RFTN1: variants seen among roughly 807,000 people sequenced by gnomAD.
The protein encoded by RFTN1 is raftlin, lipid raft linker 1, also known as raftlin.
In RFTN1, 26 loss-of-function variants were observed where a neutral mutation model predicts 46.5. That is an observed-to-expected ratio of 0.56 (90% CI 0.41 to 0.78). The LOEUF (loss-of-function observed/expected upper bound fraction) is 0.78. Among genes scored for constraint, RFTN1 ranks in the 30% least tolerant of loss-of-function variants. RFTN1 has a pLI of 0.00. For missense variants in RFTN1, 693 were observed against 718.7 expected, an observed-to-expected ratio of 0.96 and a Z score of 0.41; for synonymous variants, 261 against 284.2, an observed-to-expected ratio of 0.92 and a Z score of 0.82.
At position 16,458,739 on chromosome 3, in the gene RFTN1, C is replaced by T. The variant is rs1188491009; in HGVS notation, c.146-24702G>A. Among the ~76,000 whole-genome samples the T allele has an allele frequency of 1.3e-5, 2 of 152,180 alleles. No individual in the cohort carries two copies. Among genetic ancestry groups the T allele is most frequent in the East Asian group, 1.9e-4 (1 of 5,196 alleles). ...CCAAATAATTCTCAAAACCATAATG[C>T]TTTCCATAAACTTCAGTTCCCTTTG... On this transcript the variant is annotated intron_variant, in intron 2 of 9. Coordinates refer to ENST00000334133, the MANE Select transcript of RFTN1 (RefSeq NM_015150.2). The surrounding 1 kb of genome is among the most constrained non-coding windows in gnomAD (Gnocchi z 5.1).
chr3:16,323,509 A>G (rs775095631), intron 8 of RFTN1, 52 bp from the exon 9 acceptor site: 3 of 1,306,784 alleles, frequency 2.3e-6, no homozygotes, highest in Non-Finnish European at 3.3e-6. Flanking sequence ...GAGGAACCCA[A>G]AACCTGACAC....
intron 2 of RFTN1, among the ~76,000 whole-genome samples, chr3:16,463,029 C>G (rs1182649551): frequency 6.6e-6 from 1 of 152,232 alleles, no homozygotes; most frequent in Non-Finnish European, 1.5e-5. Flanking sequence ...AGGCTAGAGC[C>G]TGATCCTGTA....
chr3:16,339,131 A>T (rs2071128724), intron 7 of RFTN1, among the ~76,000 whole-genome samples: 1 of 152,244 alleles, frequency 6.6e-6, no homozygotes, highest in Non-Finnish European at 1.5e-5. Context: ...ATTGGGTAAG[A>T]CATGGGATTT....
At chr3:16,362,233 A>G (rs757120164) in intron 6 of RFTN1, among the ~76,000 whole-genome samples, 2 of 152,230 alleles carry the variant, frequency 1.3e-5, no homozygotes, top group Non-Finnish European at 2.9e-5. Flanking sequence ...GGGTAAACCA[A>G]TAACACACTC....
intron 4 of RFTN1, among the ~76,000 whole-genome samples, chr3:16,404,357 T>TAATATATA (rs1265396024): frequency 1.7e-5 from 1 of 59,442 alleles, no homozygotes; most frequent in African/African-American, 7.3e-5. Context: ...ATATAATATA[T>TAATATATA]ATACACAATA....
chr3:16,444,685 A>G (rs550676633), intron 2 of RFTN1, among the ~76,000 whole-genome samples: 2 of 152,386 alleles, frequency 1.3e-5, no homozygotes, highest in East Asian at 3.9e-4. Flanking sequence ...GTGTACCACA[A>G]TGTACCACAA....
chr3:16,385,874 C>T lies in RFTN1; in HGVS notation c.442-7772G>A, dbSNP rs1053224653. Among the ~76,000 whole-genome samples, 4 of 152,186 alleles carry T rather than the reference C, an allele frequency of 2.6e-5. No individual in the cohort carries two copies. Among genetic ancestry groups the T allele is most frequent in the Non-Finnish European group, 4.4e-5 (3 of 68,046 alleles). ...GAACAGGATTCTGGAGCAAAGACGACCTTGGCCCATGAGAACTGCCATCAT... is the reference window on the plus strand; with the variant it reads ...GAACAGGATTCTGGAGCAAAGACGATCTTGGCCCATGAGAACTGCCATCAT... On this transcript the variant is annotated intron_variant, in intron 4 of 9. Coordinates refer to ENST00000334133, the MANE Select transcript of RFTN1 (RefSeq NM_015150.2). This position sits in a 1 kb window ranked among gnomAD's most constrained non-coding sequence, Gnocchi z 5.0.
chr3:16,485,467 A>C (rs1328320250), intron 2 of RFTN1, among the ~76,000 whole-genome samples: 1 of 152,210 alleles, frequency 6.6e-6, no homozygotes, highest in African/African-American at 2.4e-5. Flanking sequence ...CCATACATAC[A>C]ACATCAAGGA....
chr3:16,435,287 G>A (rs368798493), intron 2 of RFTN1, among the ~76,000 whole-genome samples: 15 of 152,176 alleles, frequency 9.9e-5, no homozygotes, highest in Admixed American at 6.5e-4. Flanking sequence ...TATACTTTTC[G>A]GCCAGGGGCA....
intron 3 of RFTN1, among the ~76,000 whole-genome samples, chr3:16,414,110 C>T (rs1371557478): frequency 2.0e-5 from 3 of 152,106 alleles, no homozygotes; most frequent in Non-Finnish European, 2.9e-5. Context: ...GTTCATTACT[C>T]ATTCATTCAT....
In RFTN1 at chr3:16,471,758, T is replaced by C. The variant is rs563230059; in HGVS notation, c.145+21967A>G. On this transcript the variant is annotated intron_variant, in intron 2 of 9. Transcript: ENST00000334133. ...ATTATAGCTCTGTCATGGCACAAGT[T>C]TGATCAAAAAATTATGAATTTTAGA... Among the ~76,000 whole-genome samples the C allele has an allele frequency of 5.3e-5, 8 of 152,364 alleles. No individual in the cohort carries two copies. The East Asian group carries it at 1.5e-3, about 29-fold the overall frequency.
rs2071676053 is a variant in RFTN1, at chr3:16,345,848, GCATGTGTA to G, written c.1146+12076_1146+12083del. On this transcript the variant is annotated intron_variant, in intron 7 of 9. Coordinates refer to ENST00000334133, the MANE Select transcript of RFTN1 (RefSeq NM_015150.2). This position sits in a 1 kb window ranked among gnomAD's most constrained non-coding sequence, Gnocchi z 5.2. ...CGCGCGTGCGCGCACGCGCACATGT[GCATGTGTA>G]TGTGTATAATCTCCTACTGGTTCTG... Among the ~76,000 whole-genome samples the G allele has an allele frequency of 1.2e-5, 1 of 83,186 alleles. No homozygotes were observed. The highest frequency in any genetic ancestry group is 6.4e-5 in the African/African-American group (1 of 15,744). The allele number at this position is 83,186 out of a possible 152,430, so 54.6% of individuals were successfully genotyped here. A position where few individuals can be genotyped will look rare whatever the true frequency, so the allele number is the denominator to read the frequency against.
rs1033119058 is a variant in RFTN1 at position 16,337,336 on chromosome 3, T to C, written c.1147-10460A>G. The C allele has an allele frequency of 2.0e-5, 3 of 152,192 alleles. No homozygotes were observed. Among genetic ancestry groups the C allele is most frequent in the Non-Finnish European group, 4.4e-5 (3 of 68,032 alleles). 9.4% of individuals were successfully genotyped at this position (152,192 alleles called of 1,614,324 possible). ...GGTTATGATTTTAACTCACTAAGCTTTGGGGAGCTTTATTACACAGCAGAA... is the reference window on the plus strand; with the variant it reads ...GGTTATGATTTTAACTCACTAAGCTCTGGGGAGCTTTATTACACAGCAGAA... On this transcript the variant is annotated intron_variant, in intron 7 of 9. Coordinates refer to ENST00000334133, the MANE Select transcript of RFTN1 (RefSeq NM_015150.2). The surrounding 1 kb of genome is among the most constrained non-coding windows in gnomAD (Gnocchi z 5.0).
chr3:16,361,236 G>A lies in RFTN1; in HGVS notation c.1031-3189C>T, dbSNP rs1388982992. Among the ~76,000 whole-genome samples, 1 of 152,132 alleles carries A rather than the reference G, an allele frequency of 6.6e-6. No homozygotes were observed. Among genetic ancestry groups the A allele is most frequent in the African/African-American group, 2.4e-5 (1 of 41,400 alleles). The stretch of plus-strand genomic sequence containing the variant: ...GGCATATAGGGCCTCAGAAGGGTGA[G>A]TGACATGTTACTGGAGTTCAAGTGC... On this transcript the variant is annotated intron_variant, in intron 6 of 9. Coordinates refer to ENST00000334133, the MANE Select transcript of RFTN1 (RefSeq NM_015150.2). This position sits in a 1 kb window ranked among gnomAD's most constrained non-coding sequence, Gnocchi z 4.3.
intron 8 of RFTN1, among the ~76,000 whole-genome samples, chr3:16,325,638 C>A (rs902138025): frequency 6.6e-6 from 1 of 152,108 alleles, no homozygotes; most frequent in Non-Finnish European, 1.5e-5. Context: ...CTATGCCTGT[C>A]GAAGTCTTGG....
At position 16,499,752 on chromosome 3, in the gene RFTN1, G is replaced by T. The variant is rs189073409; in HGVS notation, c.-8-5875C>A. On this transcript the variant is annotated intron_variant, in intron 1 of 9. Coordinates refer to ENST00000334133, the MANE Select transcript of RFTN1 (RefSeq NM_015150.2). This position sits in a 1 kb window ranked among gnomAD's most constrained non-coding sequence, Gnocchi z 4.9. ...CTGCTGAAGTTGGCCTGCTTTTAAG[G>T]TCCCTGTTACAGCCATTCACCCTTT... Among the ~76,000 whole-genome samples, 1 of 152,318 alleles carries T rather than the reference G, an allele frequency of 6.6e-6. No individual in the cohort carries two copies. The highest frequency in any genetic ancestry group is 1.5e-5 in the Non-Finnish European group (1 of 68,024).
chr3:16,472,962 T>C (rs1443002584), intron 2 of RFTN1, among the ~76,000 whole-genome samples: 1 of 152,224 alleles, frequency 6.6e-6, no homozygotes, highest in Non-Finnish European at 1.5e-5. Flanking sequence ...TGGCCTCAGT[T>C]TCCTCATCTG....
rs1475497677 is a variant in RFTN1, at chr3:16,323,438, T to G, written c.1270A>C (p.Lys424Gln). 2 of 1,612,666 alleles carry G rather than the reference T, an allele frequency of 1.2e-6. No individual in the cohort carries two copies. Among genetic ancestry groups the G allele is most frequent in the East Asian group, 2.2e-5 (1 of 44,876 alleles). The change falls in exon 9 of 10, where the codon AAG becomes CAG. Residue 424 changes from lysine (K) to glutamine (Q), a missense_variant. Lys to Gln is a moderately conservative substitution (Grantham distance 53, BLOSUM62 1). Transcript: ENST00000334133. ...KTTSEGSVST[K>Q]QIVFLQRPCL... ...GGTCTCTGAAGAAAGACAATCTGCT[T>G]GGTGGATACACTCCCCTCGCTGTAA...
Position 16,387,570 on chromosome 3 carries a change from T to TTCTTTCTCTCTCTCTCTCTC in RFTN1, c.442-9469_442-9468insGAGAGAGAGAGAGAGAAAGA, listed in dbSNP as rs1224689232. On this transcript the variant is annotated intron_variant, in intron 4 of 9. Transcript: ENST00000334133. The surrounding 1 kb of genome is among the most constrained non-coding windows in gnomAD (Gnocchi z 5.2). Reference sequence around the variant, plus strand: ...CACTTCTCTCTTCTATATCCTCAATTTCTCTCTCTCTCTCTCTCTCTCTCT... The same window carrying TTCTTTCTCTCTCTCTCTCTC: ...CACTTCTCTCTTCTATATCCTCAATTTCTTTCTCTCTCTCTCTCTCTCTCTCTCTCTCTCTCTCTCTCTCT... Among the ~76,000 whole-genome samples, 3 of 116,418 alleles carry TTCTTTCTCTCTCTCTCTCTC rather than the reference T, an allele frequency of 2.6e-5. 1 individual carries two copies. The highest frequency in any genetic ancestry group is 1.2e-4 in the African/African-American group (3 of 25,514). 76.4% of individuals were successfully genotyped at this position (116,418 alleles called of 152,430 possible). A position where few individuals can be genotyped will look rare whatever the true frequency, so the allele number is the denominator to read the frequency against.
Sources: gnomAD v4.1 joint callset for allele counts (sites outside exome capture counted in the v4.1 genomes callset) on GRCh38, gnomAD v4.1.1 for gene constraint, Gnocchi (gnomAD v3.1) non-coding constraint, MANE v1.5 for transcripts, NCBI Gene and HGNC (gene_info 2026-07-23, HGNC 2026-07-21) for gene names.